The following PTPRN2 variants were observed in gnomAD, a reference collection of about 807,000 sequenced individuals.
The protein encoded by PTPRN2 is receptor-type tyrosine-protein phosphatase N2.
In PTPRN2, 74 loss-of-function variants were observed where a neutral mutation model predicts 118.8. That is an observed-to-expected ratio of 0.62 (90% confidence interval 0.52 to 0.76). PTPRN2 has a LOEUF of 0.76. Among genes scored for constraint, PTPRN2 ranks in the 30% least tolerant of loss-of-function variants. PTPRN2 has a pLI of 0.00. For missense variants in PTPRN2, 1,481 were observed against 1,394.4 expected (o/e 1.06, Z -0.99); for synonymous variants, 641 against 608.0 (o/e 1.05, Z -0.80).
At position 158,003,545 on chromosome 7, in the gene PTPRN2, C is replaced by T. The variant is rs942014384; in HGVS notation, c.1723+77753G>A. 1.9e-4 allele frequency among the ~76,000 whole-genome samples: 29 copies of T among 152,208 alleles called. No homozygotes were observed. Among genetic ancestry groups the T allele is most frequent in the African/African-American group, 5.5e-4 (23 of 41,528 alleles). On this transcript the variant is annotated intron_variant, in intron 11 of 22. Transcript: ENST00000389418. The surrounding 1 kb of genome is among the most constrained non-coding windows in gnomAD (Gnocchi z 5.0). ...ACAGCCCCTGAGGACGTGGCCACGA[C>T]GCAGCCACCGTGAGCCAGGGAATGC...
chr7:158,523,211 G>A (rs963874997), intron 1 of PTPRN2, among the ~76,000 whole-genome samples: 10 of 152,158 alleles, frequency 6.6e-5, no homozygotes, highest in East Asian at 5.8e-4. Flanking sequence ...GGTCTGGGGA[G>A]CCCCAGTGTG....
In PTPRN2 at chr7:157,868,858, G is replaced by A. The variant is rs1008423532; in HGVS notation, c.1788+29815C>T. On this transcript the variant is annotated intron_variant, in intron 12 of 22. Coordinates refer to ENST00000389418, the MANE Select transcript of PTPRN2 (RefSeq NM_002847.5). This position sits in a 1 kb window ranked among gnomAD's most constrained non-coding sequence, Gnocchi z 5.2. ...CCACCTCAGTCTTGGGGAACTCAAG[G>A]CCAGGAGGGTCACACAACCCATTTA... is the stretch of plus-strand genomic sequence containing the variant. The A allele has an allele frequency of 6.6e-6, 1 of 152,178 alleles. No homozygotes were observed. Among genetic ancestry groups the A allele is most frequent in the African/African-American group, 2.4e-5 (1 of 41,436 alleles). 9.4% of individuals were successfully genotyped at this position (152,178 alleles called of 1,614,324 possible). A position where few individuals can be genotyped will look rare whatever the true frequency, so the allele number is the denominator to read the frequency against.
intron 2 of PTPRN2, among the ~76,000 whole-genome samples, chr7:158,403,906 G>C (rs1166892617): frequency 6.6e-6 from 1 of 152,198 alleles, no homozygotes; most frequent in African/African-American, 2.4e-5. Context: ...ACCTAATTAA[G>C]GTAATGAGGT....
intron 13 of PTPRN2, among the ~76,000 whole-genome samples, chr7:157,659,477 C>CG (rs1220239060): frequency 1.6e-3 from 76 of 47,844 alleles, no homozygotes; most frequent in Non-Finnish European, 2.4e-3. Context: ...ATGGGGGGGG[C>CG]GGGGGGGATG....
intron 12 of PTPRN2, among the ~76,000 whole-genome samples, chr7:157,805,594 G>T (rs1283783622): frequency 6.6e-6 from 1 of 152,188 alleles, no homozygotes; most frequent in Non-Finnish European, 1.5e-5. Flanking sequence ...CATTAACGTT[G>T]TGTCGTTATG....
intron 12 of PTPRN2, among the ~76,000 whole-genome samples, chr7:157,870,766 T>C (rs1336000261): frequency 3.3e-5 from 5 of 152,240 alleles, no homozygotes; most frequent in Non-Finnish European, 7.3e-5. Context: ...CCAGGAATCC[T>C]GCTCTGGGGC....
chr7:158,201,074 C>G (rs1341372471), intron 4 of PTPRN2, among the ~76,000 whole-genome samples: 9 of 144,294 alleles, frequency 6.2e-5, no homozygotes, highest in African/African-American at 2.4e-4. Context: ...TTTTTTGAGA[C>G]AGGGTCTCAC....
chr7:158,153,317 G>C (rs1821383037), intron 6 of PTPRN2, among the ~76,000 whole-genome samples: 2 of 152,338 alleles, frequency 1.3e-5, no homozygotes, highest in African/African-American at 4.8e-5. Context: ...CAAGAACCCA[G>C]CATTCAGAAA....
intron 6 of PTPRN2, among the ~76,000 whole-genome samples, chr7:158,155,604 C>CCAT (rs201148690): frequency 3.4e-3 from 90 of 26,792 alleles, no homozygotes; most frequent in South Asian, 5.0e-3. Flanking sequence ...ATCATCATCA[C>CCAT]CATCACCATC....
At chr7:158,441,726 C>CGATGGTGATGGCAGTGATAGTGATAGT (rs1817285416) in intron 2 of PTPRN2, among the ~76,000 whole-genome samples, 1 of 27,154 alleles carries the variant, frequency 3.7e-5, no homozygotes, top group African/African-American at 1.5e-4. Context: ...ATGGTGATAG[C>CGATGGTGATGGCAGTGATAGTGATAGT]GATGGTGATG....
chr7:157,561,886 T>A (rs1286104518), intron 21 of PTPRN2, among the ~76,000 whole-genome samples: 1 of 152,220 alleles, frequency 6.6e-6, no homozygotes, highest in Non-Finnish European at 1.5e-5. Context: ...AGGCAGCAGG[T>A]GCCAAACCAG....
At chr7:157,798,492 CACACACACAGACACACACGG>C (rs918622596) in intron 12 of PTPRN2, among the ~76,000 whole-genome samples, 7 of 151,866 alleles carry the variant, frequency 4.6e-5, no homozygotes, top group African/African-American at 9.7e-5. Context: ...GTGGCCCCTC[CACACACACAGACACACACGG>C]ACACACACAG....
intron 2 of PTPRN2, among the ~76,000 whole-genome samples, chr7:158,388,674 T>C (rs563227478): frequency 2.2e-4 from 34 of 152,258 alleles, no homozygotes; most frequent in African/African-American, 7.0e-4. Flanking sequence ...TCACTGGCCA[T>C]TGGTGATTAA....
chr7:158,268,700 A>G (rs1798076432), intron 3 of PTPRN2, among the ~76,000 whole-genome samples: 1 of 134,420 alleles, frequency 7.4e-6, no homozygotes, highest in South Asian at 2.5e-4. Context: ...GGTGTGAAAT[A>G]TCCCAGCCCA....
chr7:158,270,779 GACCACCCCTCCA>G (rs1798293399), intron 3 of PTPRN2, among the ~76,000 whole-genome samples: 1 of 117,338 alleles, frequency 8.5e-6, no homozygotes. Context: ...CGTCCACCTG[GACCACCCCTCCA>G]CCTGGACCAC....
intron 2 of PTPRN2, among the ~76,000 whole-genome samples, chr7:158,342,228 ACT>A (rs1451300644): frequency 7.5e-6 from 1 of 133,772 alleles, no homozygotes; most frequent in African/African-American, 2.9e-5. Flanking sequence ...TCACACTCAC[ACT>A]CTCACCATAA....
chr7:158,181,865 C>A (rs1444921208), intron 5 of PTPRN2, among the ~76,000 whole-genome samples: 2 of 152,224 alleles, frequency 1.3e-5, no homozygotes, highest in Middle Eastern at 3.4e-3. Context: ...TTTCAAAAAA[C>A]CAATTTTTTG....
intron 12 of PTPRN2, among the ~76,000 whole-genome samples, chr7:157,770,020 C>T (rs1265288795): frequency 6.6e-6 from 1 of 152,210 alleles, no homozygotes; most frequent in Non-Finnish European, 1.5e-5. Context: ...GCCCCAGCAG[C>T]CCGTCCGGCC....
At chr7:158,357,318 G>A (rs1015064245) in intron 2 of PTPRN2, among the ~76,000 whole-genome samples, 7 of 152,230 alleles carry the variant, frequency 4.6e-5, no homozygotes, top group Non-Finnish European at 8.8e-5. Flanking sequence ...ACCCAAAGGC[G>A]AGGGCCAGGC....
Sources: allele counts gnomAD v4.1 joint callset (sites outside exome capture counted in the v4.1 genomes callset), GRCh38; gene constraint gnomAD v4.1.1; non-coding constraint Gnocchi (gnomAD v3.1); transcripts MANE v1.5; gene names NCBI Gene and HGNC (gene_info 2026-07-23, HGNC 2026-07-21).